Variants in KLF5 observed in about 807,000 individuals in gnomAD.
The protein encoded by KLF5 is Krueppel-like factor 5.
Under a neutral mutation model 36.9 loss-of-function variants are expected in KLF5, and 9 were observed. The observed-to-expected ratio is 0.24, with a 90% CI of 0.15 to 0.43. KLF5 has a LOEUF of 0.43. KLF5 is among the 20% of genes least tolerant of loss of function. KLF5 has a pLI of 1.00. For missense variants in KLF5, 524 were observed against 599.5 expected, an observed-to-expected ratio of 0.87 and a Z score of 1.31; for synonymous variants, 246 against 241.7, an observed-to-expected ratio of 1.02 and a Z score of -0.17.
chr13:73,055,913 T>C (rs1243284592), upstream of KLF5, among the ~76,000 whole-genome samples: 1 of 152,190 alleles, frequency 6.6e-6, no homozygotes, highest in Admixed American at 6.5e-5. Context: ...ACCTCTTAAT[T>C]TCAAGCTGTG....
chr13:73,070,368 G>A (rs2044713824), intron 3 of KLF5, among the ~76,000 whole-genome samples: 1 of 152,170 alleles, frequency 6.6e-6, no homozygotes, highest in African/African-American at 2.4e-5. Flanking sequence ...AAAAAGAAAA[G>A]GTGAAATTCC....
At chr13:73,068,167 G>A (rs944486724) in intron 3 of KLF5, among the ~76,000 whole-genome samples, 2 of 152,086 alleles carry the variant, frequency 1.3e-5, no homozygotes, top group Non-Finnish European at 2.9e-5. Flanking sequence ...AAAGCACTGT[G>A]TTCAAGATTC....
chr13:73,058,438 A>C (rs1349641269), upstream of KLF5, among the ~76,000 whole-genome samples: 1 of 152,232 alleles, frequency 6.6e-6, no homozygotes, highest in African/African-American at 2.4e-5. Context: ...CTAAAGATAC[A>C]CAGGGACAAG....
In KLF5 at chr13:73,062,445, C is replaced by G; in HGVS notation, c.846C>G (p.Pro282=). 4 of 1,614,178 alleles carry G rather than the reference C, an allele frequency of 2.5e-6. No homozygotes were observed. Among genetic ancestry groups the G allele is most frequent in the Non-Finnish European group, 3.4e-6 (4 of 1,180,034 alleles). ...CAGTGAAACAATTCCAGGGCATGCC[C>G]CCTTGCACATACACAATGCCAAGTC... ...QTAVKQFQGM[P]PCTYTMPSQF... Residue 282 remains proline (P), a synonymous_variant, in exon 2 of 4, where the codon CCC becomes CCG. Transcript: ENST00000377687.
chr13:73,068,021 A>G (rs2044693395), intron 3 of KLF5, among the ~76,000 whole-genome samples: 1 of 151,570 alleles, frequency 6.6e-6, no homozygotes, highest in African/African-American at 2.4e-5. Flanking sequence ...TTGTATTTTT[A>G]GTGGAGACGG....
At chr13:73,068,682 CA>C (rs1232806741) in intron 3 of KLF5, among the ~76,000 whole-genome samples, 6 of 118,454 alleles carry the variant, frequency 5.1e-5, no homozygotes, top group East Asian at 4.8e-4. Context: ...CCAGCCTGGG[CA>C]ACAGAGTGAG....
At chr13:73,059,922 C>A in intron 1 of KLF5, 2 of 411,808 alleles carry the variant, frequency 4.9e-6, no homozygotes, top group Non-Finnish European at 6.6e-6. Flanking sequence ...ACCTTACGCT[C>A]AGTTTTACTT....
chr13:73,055,955 G>C (rs2044580486), upstream of KLF5, among the ~76,000 whole-genome samples: 1 of 152,012 alleles, frequency 6.6e-6, no homozygotes, highest in African/African-American at 2.4e-5. Context: ...ATTTAGATTT[G>C]CCAAACAACT....
Position 73,059,180 on chromosome 13 carries a change from C to T in KLF5, c.-148C>T. 1.4e-6 allele frequency: 1 copy of T among 711,566 alleles called. No individual in the cohort carries two copies. Among genetic ancestry groups the T allele is most frequent in the Non-Finnish European group, 2.0e-6 (1 of 510,344 alleles). 44.1% of individuals were successfully genotyped at this position (711,566 alleles called of 1,614,324 possible). A position where few individuals can be genotyped will look rare whatever the true frequency, so the allele number is the denominator to read the frequency against. On this transcript the variant is annotated 5_prime_UTR_variant, in exon 1 of 4. Transcript: ENST00000377687. ...GAGTTTTGCTTTTCGTGCGCGCCTT[C>T]GAAAACTGCCTGCCGCTGTCTGAGG...
upstream of KLF5, among the ~76,000 whole-genome samples, chr13:73,057,009 C>T (rs2044587507): frequency 6.6e-6 from 1 of 151,466 alleles, no homozygotes; most frequent in South Asian, 2.1e-4. Flanking sequence ...AGAAGCATTT[C>T]CAGTAAAATA....
intron 3 of KLF5, chr13:73,075,009 T>C (rs74532592): frequency 3.3e-5 from 5 of 152,116 alleles, no homozygotes; most frequent in African/African-American, 1.2e-4. Context: ...CTTTTTTTTT[T>C]ACCAATGTGA....
rs2044758719 is a variant in KLF5, at chr13:73,076,035, G to A, written c.*149G>A. 2 of 649,416 alleles carry A rather than the reference G, an allele frequency of 3.1e-6. No homozygotes were observed. Among genetic ancestry groups the A allele is most frequent in the African/African-American group, 3.7e-5 (2 of 54,722 alleles). 40.2% of individuals were successfully genotyped at this position (649,416 alleles called of 1,614,324 possible). On this transcript the variant is annotated 3_prime_UTR_variant, in exon 4 of 4. Coordinates refer to ENST00000377687, the MANE Select transcript of KLF5 (RefSeq NM_001730.5). ...ATATTTTGTATATTTGAGAAAACAG[G>A]GAATACATTGTATTAATACCAAAGT... is the stretch of plus-strand genomic sequence containing the variant.
intron 3 of KLF5, among the ~76,000 whole-genome samples, chr13:73,073,989 G>T (rs1263943249): frequency 2.0e-5 from 3 of 152,172 alleles, no homozygotes; most frequent in East Asian, 3.9e-4. Flanking sequence ...TTTTAAAGTG[G>T]ATTGATAGGA....
chr13:73,075,886 A>G lies in KLF5; in HGVS notation c.1374A>G (p.Ter458TrpextTer5). 1 of 1,577,416 alleles carries G rather than the reference A, an allele frequency of 6.3e-7. No homozygotes were observed. The highest frequency in any genetic ancestry group is 8.7e-7 in the Non-Finnish European group (1 of 1,151,720). Residue 458 changes from the stop codon to tryptophan (W), a stop_lost, in exon 4 of 4, where the codon TGA becomes TGG. Transcript: ENST00000377687. ...LALHMKRHQN[*>W] ...TGCATATGAAGAGGCACCAGAACTG[A>G]GCACTGCCCGTGTGACCCGTTCCAG...
chr13:73,075,363 C>G (rs754392864), intron 3 of KLF5, among the ~76,000 whole-genome samples: 1 of 152,162 alleles, frequency 6.6e-6, no homozygotes, highest in Non-Finnish European at 1.5e-5. Context: ...TAAAGCCACT[C>G]AGGCTCATCT....
At chr13:73,063,239 C>T (rs2044653413) in intron 2 of KLF5, among the ~76,000 whole-genome samples, 1 of 152,096 alleles carries the variant, frequency 6.6e-6, no homozygotes, top group South Asian at 2.1e-4. Flanking sequence ...GTCTACAAGA[C>T]AGATTTAAGA....
Position 73,059,165 on chromosome 13 carries a change from T to C in KLF5, c.-163T>C, listed in dbSNP as rs1008331533. 1.9e-5 allele frequency: 11 copies of C among 577,356 alleles called. No homozygotes were observed. The African/African-American group carries it at 2.1e-4, about 11-fold the overall frequency. The allele number at this position is 577,356 out of a possible 1,614,324, so 35.8% of individuals were successfully genotyped here. ...TGTGGAAGAGCGGAAGAGTTTTGCT[T>C]TTCGTGCGCGCCTTCGAAAACTGCC... is the stretch of plus-strand genomic sequence containing the variant. On this transcript the variant is annotated 5_prime_UTR_variant, in exon 1 of 4. Coordinates refer to ENST00000377687, the MANE Select transcript of KLF5 (RefSeq NM_001730.5).
At chr13:73,060,256 A>G (rs1300922246) in intron 1 of KLF5, among the ~76,000 whole-genome samples, 1 of 151,148 alleles carries the variant, frequency 6.6e-6, no homozygotes, top group Non-Finnish European at 1.5e-5. Flanking sequence ...GTTGGCTTTT[A>G]CACTTGCCCA....
At position 73,062,585 on chromosome 13, in the gene KLF5, C is replaced by T. The variant is rs2044645451; in HGVS notation, c.986C>T (p.Ala329Val). 2 of 1,614,122 alleles carry T rather than the reference C, an allele frequency of 1.2e-6. No homozygotes were observed. Among genetic ancestry groups the T allele is most frequent in the Non-Finnish European group, 1.7e-6 (2 of 1,180,054 alleles). ...LQNLTPPPSY[A>V]ATIASKLAIH... ...AATTTAACCCCACCTCCATCCTATG[C>T]TGCTACAATTGCTTCTAAACTGGCA... The change falls in exon 2 of 4, where the codon GCT becomes GTT. Residue 329 changes from alanine to valine, a missense_variant. This residue lies in a region of KLF5 where 454 missense variants were observed against 458.1 expected (regional missense o/e 0.99). Transcript: ENST00000377687.
Sources: gnomAD v4.1 joint callset for allele counts (sites outside exome capture counted in the v4.1 genomes callset) on GRCh38, gnomAD v4.1.1 for gene constraint, gnomAD v4.1.1 regional missense constraint, MANE v1.5 for transcripts, NCBI Gene and HGNC (gene_info 2026-07-23, HGNC 2026-07-21) for gene names.